Variants in ZNF658 observed in about 807,000 individuals in gnomAD.
ZNF658 encodes zinc finger protein 658.
ZNF658 carries 46 observed loss-of-function variants against 78.0 expected under a neutral mutation model. That is an observed-to-expected ratio of 0.59 (90% CI 0.47 to 0.75). ZNF658 has a LOEUF of 0.75. Ranked by LOEUF, ZNF658 falls within the 30% of genes least tolerant of loss-of-function variation. The probability of loss-of-function intolerance (pLI) is 0.00; values close to 1 mark genes in which losing one functional copy is unlikely to be tolerated. For synonymous variants in ZNF658, 279 were observed against 408.4 expected, an observed-to-expected ratio of 0.68 and a Z score of 3.82; for missense variants, 785 against 1,189.3, an observed-to-expected ratio of 0.66 and a Z score of 5.00.
At chr9:66,926,005 T>C (rs912098134), downstream of ZNF658, among the ~76,000 whole-genome samples, 1 of 137,912 alleles carries the variant, frequency 7.3e-6, no homozygotes, top group African/African-American at 2.6e-5. Context: ...TCTCAATAGA[T>C]TTAAAAATAA....
chr9:66,913,771 T>C (rs1822271256), intron 4 of ZNF658, among the ~76,000 whole-genome samples: 1 of 146,632 alleles, frequency 6.8e-6, no homozygotes, highest in African/African-American at 2.6e-5. Context: ...ATGAGTTATG[T>C]GTCAAGTTAA....
At chr9:66,909,264 C>T (rs1247606322) in intron 4 of ZNF658, among the ~76,000 whole-genome samples, 1 of 151,926 alleles carries the variant, frequency 6.6e-6, no homozygotes, top group African/African-American at 2.4e-5. Context: ...CCCCCCTGCC[C>T]TCTGCAGCCC....
chr9:66,930,505 A>G (rs1306965847), intron 6 of ZNF658, among the ~76,000 whole-genome samples: 2 of 150,422 alleles, frequency 1.3e-5, no homozygotes, highest in East Asian at 4.0e-4. Context: ...GAAGCTCTAC[A>G]GTTAAAATTT....
At chr9:66,904,576 G>T (rs932579573) in intron 2 of ZNF658, among the ~76,000 whole-genome samples, 5 of 151,984 alleles carry the variant, frequency 3.3e-5, no homozygotes, top group African/African-American at 1.2e-4. Flanking sequence ...CCCATTTAAA[G>T]TGTAGAATTC....
Position 66,921,207 on chromosome 9 carries a change from T to C in ZNF658, c.*461T>C, listed in dbSNP as rs954709279. On this transcript the variant is annotated 3_prime_UTR_variant, in exon 5 of 5. Transcript: ENST00000621410. Reference sequence around the variant, plus strand: ...AATGGACGTAGTTTAGCTTAAACTTTATGTTAGAGTGAGATGAAACCCTAT... The same window carrying C: ...AATGGACGTAGTTTAGCTTAAACTTCATGTTAGAGTGAGATGAAACCCTAT... 6.3e-6 allele frequency: 1 copy of C among 159,432 alleles called. No homozygotes were observed. Among genetic ancestry groups the C allele is most frequent in the Non-Finnish European group, 1.4e-5 (1 of 71,850 alleles). 9.9% of individuals were successfully genotyped at this position (159,432 alleles called of 1,614,324 possible). A position where few individuals can be genotyped will look rare whatever the true frequency, so the allele number is the denominator to read the frequency against.
chr9:66,919,877 GA>G lies in ZNF658; in HGVS notation c.2313del (p.Glu771AspfsTer44). The G allele has an allele frequency of 6.2e-7, 1 of 1,603,800 alleles. No homozygotes were observed. Among genetic ancestry groups the G allele is most frequent in the Non-Finnish European group, 8.5e-7 (1 of 1,174,494 alleles). On this transcript the variant is annotated frameshift_variant, in exon 5 of 5. Transcript: ENST00000621410. LOFTEE classifies it high-confidence loss of function. ...RRIHTGEKPY[E>X]CSKCGKTFSQ... Reference sequence around the variant, plus strand: ...AATTCACACAGGGGAGAAACCCTATGAATGTAGCAAGTGTGGGAAAACTTTC... The same window carrying G: ...AATTCACACAGGGGAGAAACCCTATGATGTAGCAAGTGTGGGAAAACTTTC...
intron 4 of ZNF658, among the ~76,000 whole-genome samples, chr9:66,910,034 T>A (rs1301310569): frequency 6.6e-6 from 1 of 152,166 alleles, no homozygotes; most frequent in Non-Finnish European, 1.5e-5. Flanking sequence ...TGGTGTTTCT[T>A]CCGCTTCTTA....
At chr9:66,923,805 A>G (rs1039411852), downstream of ZNF658, among the ~76,000 whole-genome samples, 5 of 147,884 alleles carry the variant, frequency 3.4e-5, no homozygotes, top group African/African-American at 1.3e-4. Flanking sequence ...TTTCTGTAGA[A>G]GGTAGATTTT....
At chr9:66,915,665 G>A (rs1214976842) in intron 4 of ZNF658, among the ~76,000 whole-genome samples, 1 of 151,988 alleles carries the variant, frequency 6.6e-6, no homozygotes, top group African/African-American at 2.4e-5. Flanking sequence ...TGTTATTGTT[G>A]TTTTATTATC....
At chr9:66,905,612 G>T (rs1822061754) in intron 2 of ZNF658, among the ~76,000 whole-genome samples, 1 of 141,378 alleles carries the variant, frequency 7.1e-6, no homozygotes, top group Admixed American at 7.2e-5. Context: ...ATCTCAGTGG[G>T]CATGTTGTCC....
intron 2 of ZNF658, among the ~76,000 whole-genome samples, chr9:66,905,004 A>T: frequency 7.0e-6 from 1 of 142,096 alleles, no homozygotes; most frequent in Non-Finnish European, 1.5e-5. Context: ...TGTCTTTTTA[A>T]CACTCTGATT....
At chr9:66,915,394 A>T (rs1349128620) in intron 4 of ZNF658, among the ~76,000 whole-genome samples, 1 of 135,412 alleles carries the variant, frequency 7.4e-6, no homozygotes, top group Non-Finnish European at 1.6e-5. Context: ...TTGCTTTTAT[A>T]GTTAAAAAAA....
At chr9:66,922,464 T>C, downstream of ZNF658, among the ~76,000 whole-genome samples, 1 of 134,464 alleles carries the variant, frequency 7.4e-6, no homozygotes, top group Non-Finnish European at 1.6e-5. Flanking sequence ...TCTTCCTATT[T>C]GGCCATCTTG....
chr9:66,919,990 C>G lies in ZNF658; in HGVS notation c.2424C>G (p.Val808=). Residue 808 remains valine (V), a synonymous_variant, in exon 5 of 5, where the codon GTC becomes GTG. Transcript: ENST00000621410. The part of the protein sequence containing the change: ...YECNVCGKTF[V]YKAALIVHQR... ...GTAACGTATGTGGGAAAACTTTTGT[C>G]TATAAGGCAGCCCTCATAGTGCATC... The G allele has an allele frequency of 6.2e-7, 1 of 1,610,782 alleles. No homozygotes were observed. Among genetic ancestry groups the G allele is most frequent in the East Asian group, 2.2e-5 (1 of 44,784 alleles).
At position 66,918,619 on chromosome 9, in the gene ZNF658, A is replaced by G. The variant is rs1325221289; in HGVS notation, c.1053A>G (p.Lys351=). 3 of 1,611,314 alleles carry G rather than the reference A, an allele frequency of 1.9e-6. No homozygotes were observed. The highest frequency in any genetic ancestry group is 2.7e-5 in the African/African-American group (2 of 74,904). ...ATCAGAAAACACAAGCTGGAGATAAATTTGGTGAACATAATGAATGTACAG... is the reference window on the plus strand; with the variant it reads ...ATCAGAAAACACAAGCTGGAGATAAGTTTGGTGAACATAATGAATGTACAG... ...IVHQKTQAGD[K]FGEHNECTDA... is the part of the protein sequence containing the mutation. The change falls in exon 5 of 5, where the codon AAA becomes AAG. Residue 351 remains lysine, a synonymous_variant. Transcript: ENST00000621410.
intron 6 of ZNF658, among the ~76,000 whole-genome samples, chr9:66,931,596 T>A (rs1252247510): frequency 6.7e-6 from 1 of 149,480 alleles, no homozygotes; most frequent in Non-Finnish European, 1.5e-5. Flanking sequence ...ATAAGGGACC[T>A]TTGCGTACCT....
At chr9:66,911,284 G>A (rs1256134238) in intron 4 of ZNF658, among the ~76,000 whole-genome samples, 1 of 98,874 alleles carries the variant, frequency 1.0e-5, no homozygotes, top group Non-Finnish European at 2.0e-5. Context: ...AACACAAACA[G>A]TATTCTCTGA....
Position 66,920,923 on chromosome 9 carries a change from A to G in ZNF658, c.*177A>G. The G allele has an allele frequency of 1.3e-6, 1 of 741,896 alleles. No individual in the cohort carries two copies. The highest frequency in any genetic ancestry group is 2.3e-6 in the Non-Finnish European group (1 of 432,688). 46.0% of individuals were successfully genotyped at this position (741,896 alleles called of 1,614,324 possible). A position where few individuals can be genotyped will look rare whatever the true frequency, so the allele number is the denominator to read the frequency against. ...GGATGTGGTGCTAATGATAAATATT[A>G]CATTTACCCTTGGCCCTTAAAAAAA... On this transcript the variant is annotated 3_prime_UTR_variant, in exon 5 of 5. Transcript: ENST00000621410.
Position 66,920,912 on chromosome 9 carries a change from T to C in ZNF658, c.*166T>C. 1.3e-6 allele frequency: 1 copy of C among 770,264 alleles called. No individual in the cohort carries two copies. Among genetic ancestry groups the C allele is most frequent in the South Asian group, 1.7e-5 (1 of 59,388 alleles). The allele number at this position is 770,264 out of a possible 1,614,324, so 47.7% of individuals were successfully genotyped here. ...GGCTGACCATGGGATGTGGTGCTAA[T>C]GATAAATATTACATTTACCCTTGGC... is the stretch of plus-strand genomic sequence containing the variant. On this transcript the variant is annotated 3_prime_UTR_variant, in exon 5 of 5. Coordinates refer to ENST00000621410, the MANE Select transcript of ZNF658 (RefSeq NM_033160.7).
Sources: allele counts gnomAD v4.1 joint callset (sites outside exome capture counted in the v4.1 genomes callset), GRCh38; gene constraint gnomAD v4.1.1; transcripts MANE v1.5; gene names NCBI Gene and HGNC (gene_info 2026-07-23, HGNC 2026-07-21).